ZNF804A: variants seen among roughly 807,000 people sequenced by gnomAD.
ZNF804A encodes the protein zinc finger protein 804A.
A neutral mutation model predicts 16.5 loss-of-function variants in ZNF804A; 2 were observed. The ratio of observed to expected loss-of-function variants is 0.12; its 90% confidence interval spans 0.05 to 0.38. The LOEUF (loss-of-function observed/expected upper bound fraction) is 0.38. ZNF804A is among the 10% of genes least tolerant of loss of function. The pLI is 0.99. For missense variants in ZNF804A, 1,473 were observed against 1,390.7 expected, an observed-to-expected ratio of 1.06 and a Z score of -0.94; for synonymous variants, 534 against 489.6, an observed-to-expected ratio of 1.09 and a Z score of -1.20.
At chr2:184,716,870 A>G (rs887346602) in intron 1 of ZNF804A, among the ~76,000 whole-genome samples, 1 of 152,148 alleles carries the variant, frequency 6.6e-6, no homozygotes, top group African/African-American at 2.4e-5. Flanking sequence ...AGAAGAAAAT[A>G]ATTTTTTGTT....
Position 184,937,756 on chromosome 2 carries a change from G to T in ZNF804A, c.2360G>T (p.Arg787Leu). ...TATTCTTCAGATGAAAGTTTAAATCGACAGAATCATTTACCAGAAGAATTT... is the reference window on the plus strand; with the variant it reads ...TATTCTTCAGATGAAAGTTTAAATCTACAGAATCATTTACCAGAAGAATTT... ...HSYSSDESLNRQNHLPEEFLR... is the reference protein window; with the variant it reads ...HSYSSDESLNLQNHLPEEFLR... Residue 787 changes from arginine to leucine, a missense_variant, in exon 4 of 4, where the codon CGA becomes CTA. Coordinates refer to ENST00000302277, the MANE Select transcript of ZNF804A (RefSeq NM_194250.2). The T allele has an allele frequency of 6.2e-7, 1 of 1,613,842 alleles. No homozygotes were observed. The highest frequency in any genetic ancestry group is 8.5e-7 in the Non-Finnish European group (1 of 1,179,946).
intron 1 of ZNF804A, among the ~76,000 whole-genome samples, chr2:184,766,201 T>C (rs968722725): frequency 6.6e-6 from 1 of 152,158 alleles, no homozygotes. Flanking sequence ...ACCAAATTAA[T>C]TCATTGCTAA....
At chr2:184,925,933 G>C (rs1026307862) in intron 2 of ZNF804A, among the ~76,000 whole-genome samples, 5 of 151,504 alleles carry the variant, frequency 3.3e-5, no homozygotes, top group African/African-American at 9.7e-5. Context: ...TTTCTTTTTG[G>C]AGATGGAGTC....
At chr2:184,881,032 C>T (rs949739832) in intron 2 of ZNF804A, among the ~76,000 whole-genome samples, 1 of 151,886 alleles carries the variant, frequency 6.6e-6, no homozygotes, top group Non-Finnish European at 1.5e-5. Context: ...TAAAATGATA[C>T]AGTAGATTAT....
chr2:184,618,171 T>C (rs1243146119), intron 1 of ZNF804A, among the ~76,000 whole-genome samples: 1 of 152,134 alleles, frequency 6.6e-6, no homozygotes, highest in African/African-American at 2.4e-5. Flanking sequence ...AACACGTTTA[T>C]AAATCATTCA....
At chr2:184,726,357 C>A (rs1279054200) in intron 1 of ZNF804A, among the ~76,000 whole-genome samples, 2 of 151,386 alleles carry the variant, frequency 1.3e-5, no homozygotes, top group Admixed American at 6.6e-5. Flanking sequence ...TTAAGATACT[C>A]ATATAAAATG....
chr2:184,728,530 G>C lies in ZNF804A; in HGVS notation c.111+129460G>C, dbSNP rs576471586. On this transcript the variant is annotated intron_variant, in intron 1 of 3. Coordinates refer to ENST00000302277, the MANE Select transcript of ZNF804A (RefSeq NM_194250.2). Reference sequence around the variant, plus strand: ...CTGTGATTTCAGAATGGGTAATAAAGAAGATGATAGGACTTTGCACCTAGA... The same window carrying C: ...CTGTGATTTCAGAATGGGTAATAAACAAGATGATAGGACTTTGCACCTAGA... Among the ~76,000 whole-genome samples the C allele has an allele frequency of 2.6e-5, 4 of 152,026 alleles. No individual in the cohort carries two copies. The South Asian group carries it at 8.3e-4, about 31-fold the overall frequency.
intron 1 of ZNF804A, among the ~76,000 whole-genome samples, chr2:184,814,740 C>T (rs941957656): frequency 3.3e-5 from 5 of 151,978 alleles, no homozygotes; most frequent in African/African-American, 1.2e-4. Context: ...TTTCTGGCAT[C>T]TTTTTAAAAC....
At chr2:184,607,761 ACATT>A (rs1691172497) in intron 1 of ZNF804A, among the ~76,000 whole-genome samples, 1 of 152,134 alleles carries the variant, frequency 6.6e-6, no homozygotes, top group African/African-American at 2.4e-5. Context: ...AAAATGAAGG[ACATT>A]CATTTTACAA....
chr2:184,605,550 A>G lies in ZNF804A; in HGVS notation c.111+6480A>G, dbSNP rs74906732. 7.1e-3 allele frequency among the ~76,000 whole-genome samples: 1,078 copies of G among 152,250 alleles called. 24 individuals carry two copies. Among genetic ancestry groups the G allele is most frequent in the Admixed American group, 0.051 (777 of 15,292 alleles). On this transcript the variant is annotated intron_variant, in intron 1 of 3. Transcript: ENST00000302277. Reference sequence around the variant, plus strand: ...CACATTGTATTTGTACTTAACTTGTACAAACTTTTTTTTCTTGCCATTATT... The same window carrying G: ...CACATTGTATTTGTACTTAACTTGTGCAAACTTTTTTTTCTTGCCATTATT...
chr2:184,628,686 A>C (rs1230165269), intron 1 of ZNF804A, among the ~76,000 whole-genome samples: 1 of 152,114 alleles, frequency 6.6e-6, no homozygotes, highest in Non-Finnish European at 1.5e-5. Flanking sequence ...AGTTCATCAC[A>C]TCTAGAATTG....
At chr2:184,644,297 A>G (rs1429173313) in intron 1 of ZNF804A, among the ~76,000 whole-genome samples, 1 of 151,764 alleles carries the variant, frequency 6.6e-6, no homozygotes, top group Non-Finnish European at 1.5e-5. Flanking sequence ...GAAAGGAAAC[A>G]ACTGAATAGA....
chr2:184,693,279 T>C (rs1345166510), intron 1 of ZNF804A, among the ~76,000 whole-genome samples: 1 of 152,202 alleles, frequency 6.6e-6, no homozygotes, highest in Non-Finnish European at 1.5e-5. Flanking sequence ...GGTTATAGAA[T>C]TTATGAGTTG....
At chr2:184,888,676 A>T (rs1239342060) in intron 2 of ZNF804A, among the ~76,000 whole-genome samples, 1 of 152,136 alleles carries the variant, frequency 6.6e-6, no homozygotes, top group Non-Finnish European at 1.5e-5. Flanking sequence ...TGCCTAGAAA[A>T]AGAGAACAGA....
At chr2:184,874,115 C>T (rs1040830470) in intron 2 of ZNF804A, among the ~76,000 whole-genome samples, 4 of 151,902 alleles carry the variant, frequency 2.6e-5, no homozygotes, top group East Asian at 1.9e-4. Flanking sequence ...AAGACTACAC[C>T]TTTTTTATAT....
chr2:184,776,552 T>C (rs1193062921), intron 1 of ZNF804A, among the ~76,000 whole-genome samples: 1 of 151,472 alleles, frequency 6.6e-6, no homozygotes, highest in Non-Finnish European at 1.5e-5. Context: ...TCTGTCAGAA[T>C]AATTATTCAT....
At chr2:184,789,287 T>C (rs1388535815) in intron 1 of ZNF804A, among the ~76,000 whole-genome samples, 1 of 152,114 alleles carries the variant, frequency 6.6e-6, no homozygotes, top group African/African-American at 2.4e-5. Flanking sequence ...TATTGGTTTG[T>C]AGTTTTCTCT....
intron 1 of ZNF804A, among the ~76,000 whole-genome samples, chr2:184,830,839 G>A (rs1695252758): frequency 2.0e-5 from 3 of 152,006 alleles, no homozygotes. Context: ...ACTATATGAT[G>A]GAATCTGGCT....
intron 2 of ZNF804A, among the ~76,000 whole-genome samples, chr2:184,890,074 A>G (rs114385979): frequency 0.011 from 1,749 of 152,224 alleles, 18 homozygotes; most frequent in Middle Eastern, 0.037. Flanking sequence ...ATTCCTTGGG[A>G]TAACCAAAGA....
Sources: gnomAD v4.1 joint callset for allele counts (sites outside exome capture counted in the v4.1 genomes callset) on GRCh38, gnomAD v4.1.1 for gene constraint, MANE v1.5 for transcripts, NCBI Gene and HGNC (gene_info 2026-07-23, HGNC 2026-07-21) for gene names.